The following CERS6 variants were observed in gnomAD, a reference collection of about 807,000 sequenced individuals.
CERS6 encodes ceramide synthase 6, also known as LAG1 homolog, ceramide synthase 6.
In CERS6, 26 loss-of-function variants were observed where a neutral mutation model predicts 56.8. That is an observed-to-expected ratio of 0.46 (90% confidence interval 0.34 to 0.63). The LOEUF (loss-of-function observed/expected upper bound fraction) is 0.63, where lower values mean the gene tolerates loss of function less well. Among genes scored for constraint, CERS6 ranks in the 30% least tolerant of loss-of-function variants. The pLI is 0.01. For synonymous variants in CERS6, 164 were observed against 173.3 expected (o/e 0.95, Z 0.42); for missense variants, 415 against 467.5 (o/e 0.89, Z 1.04).
At chr2:168,504,971 G>A (rs967750257) in intron 1 of CERS6, among the ~76,000 whole-genome samples, 13 of 152,124 alleles carry the variant, frequency 8.5e-5, no homozygotes, top group African/African-American at 3.1e-4. Flanking sequence ...AAAGCCAGGT[G>A]CTGAGTGGCA....
intron 1 of CERS6, among the ~76,000 whole-genome samples, chr2:168,491,785 C>G (rs1192505572): frequency 6.6e-6 from 1 of 151,206 alleles, no homozygotes; most frequent in Admixed American, 6.6e-5. Flanking sequence ...CCCCTCACCC[C>G]CCAACAGGCC....
intron 3 of CERS6, among the ~76,000 whole-genome samples, chr2:168,595,849 T>G (rs2105406567): frequency 6.6e-6 from 1 of 152,304 alleles, no homozygotes; most frequent in African/African-American, 2.4e-5. Flanking sequence ...ATTGTATGTT[T>G]TTTTTCTTTT....
chr2:168,616,438 A>G (rs1684319841), intron 3 of CERS6, among the ~76,000 whole-genome samples: 1 of 152,222 alleles, frequency 6.6e-6, no homozygotes, highest in Admixed American at 6.5e-5. Context: ...AAAGATACGG[A>G]ATGGCAGAAT....
intron 1 of CERS6, among the ~76,000 whole-genome samples, chr2:168,511,517 G>T (rs908844101): frequency 6.6e-6 from 1 of 152,124 alleles, no homozygotes; most frequent in Non-Finnish European, 1.5e-5. Flanking sequence ...AAATTTCCCA[G>T]TGTTGGACAA....
rs566446242 is a variant in CERS6 at position 168,721,751 on chromosome 2, TAGGACTAC to T, written c.845+3777_845+3784del. Among the ~76,000 whole-genome samples the T allele has an allele frequency of 2.3e-3, 345 of 151,986 alleles. 1 individual carries two copies. The highest frequency in any genetic ancestry group is 7.8e-3 in the African/African-American group (322 of 41,464). ...CTCCTGCCTCAGTTTCTTGAGTAGCTAGGACTACAGGTATGTGCCACAATACCCAGCTG... is the reference window on the plus strand; with the variant it reads ...CTCCTGCCTCAGTTTCTTGAGTAGCTAGGTATGTGCCACAATACCCAGCTG... On this transcript the variant is annotated intron_variant, in intron 8 of 9. Coordinates refer to ENST00000305747, the MANE Select transcript of CERS6 (RefSeq NM_203463.3).
At chr2:168,723,704 C>G (rs1306419334) in intron 8 of CERS6, among the ~76,000 whole-genome samples, 1 of 152,112 alleles carries the variant, frequency 6.6e-6, no homozygotes, top group African/African-American at 2.4e-5. Flanking sequence ...TATGAGTTTC[C>G]TCCAGGTACA....
At chr2:168,537,512 A>T (rs1695286593) in intron 1 of CERS6, among the ~76,000 whole-genome samples, 1 of 152,068 alleles carries the variant, frequency 6.6e-6, no homozygotes, top group South Asian at 2.1e-4. Context: ...CACATACTTT[A>T]TTTTACAGTT....
intron 1 of CERS6, among the ~76,000 whole-genome samples, chr2:168,460,284 T>C (rs1047263532): frequency 1.3e-5 from 2 of 151,856 alleles, no homozygotes; most frequent in Admixed American, 6.6e-5. Flanking sequence ...AACCTCCACC[T>C]CCTGGGCTCA....
In CERS6 at chr2:168,736,260, A is replaced by T. The variant is rs1411814259; in HGVS notation, c.845+18282A>T. On this transcript the variant is annotated intron_variant, in intron 8 of 9. Coordinates refer to ENST00000305747, the MANE Select transcript of CERS6 (RefSeq NM_203463.3). Reference sequence around the variant, plus strand: ...CTCAAGGTTTAAAGCACTGTATAGCACTGTGTCTATTTCATTTGAAAACGA... The same window carrying T: ...CTCAAGGTTTAAAGCACTGTATAGCTCTGTGTCTATTTCATTTGAAAACGA... Among the ~76,000 whole-genome samples, 11 of 152,330 alleles carry T rather than the reference A, an allele frequency of 7.2e-5. No homozygotes were observed. The East Asian group carries it at 2.1e-3, about 29-fold the overall frequency.
chr2:168,695,162 G>A (rs1332536241), intron 6 of CERS6, 111 bp downstream of exon 6: 2 of 758,940 alleles, frequency 2.6e-6, no homozygotes, highest in Non-Finnish European at 2.3e-6. Flanking sequence ...GCAGCCCTAG[G>A]TTAGTACGAC....
chr2:168,531,246 C>T (rs1206563929), intron 1 of CERS6, among the ~76,000 whole-genome samples: 1 of 152,084 alleles, frequency 6.6e-6, no homozygotes, highest in Non-Finnish European at 1.5e-5. Context: ...GAAGGAATGA[C>T]ACAGGAAGAA....
intron 8 of CERS6, among the ~76,000 whole-genome samples, chr2:168,718,821 T>C (rs886586184): frequency 6.6e-6 from 1 of 152,334 alleles, no homozygotes; most frequent in African/African-American, 2.4e-5. Context: ...TTCAGGTATA[T>C]AAAAGAGCTT....
intron 6 of CERS6, among the ~76,000 whole-genome samples, chr2:168,714,289 G>A (rs559922912): frequency 1.3e-5 from 2 of 152,178 alleles, no homozygotes; most frequent in Non-Finnish European, 2.9e-5. Flanking sequence ...CAAATATTTA[G>A]ACCATAGCAC....
intron 4 of CERS6, among the ~76,000 whole-genome samples, chr2:168,680,029 C>T (rs62174391): frequency 0.012 from 1,818 of 152,294 alleles, 27 homozygotes; most frequent in Non-Finnish European, 0.015. Flanking sequence ...TTACGAACTA[C>T]GGCATTTTCA....
chr2:168,457,353 C>T (rs1693690835), intron 1 of CERS6, among the ~76,000 whole-genome samples: 1 of 152,140 alleles, frequency 6.6e-6, no homozygotes, highest in Admixed American at 6.5e-5. Flanking sequence ...TTTTTTGGTA[C>T]TCGAAGGCAC....
chr2:168,517,473 T>C (rs912043830), intron 1 of CERS6, among the ~76,000 whole-genome samples: 6 of 151,218 alleles, frequency 4.0e-5, no homozygotes, highest in Admixed American at 1.3e-4. Flanking sequence ...GCCTGGGCGA[T>C]ACAGCAAGAC....
At position 168,585,123 on chromosome 2, in the gene CERS6, C is replaced by G. The variant is rs533236410; in HGVS notation, c.407+23801C>G. Among the ~76,000 whole-genome samples, 33 of 152,338 alleles carry G rather than the reference C, an allele frequency of 2.2e-4. No individual in the cohort carries two copies. The South Asian group carries it at 3.9e-3, about 18-fold the overall frequency. On this transcript the variant is annotated intron_variant, in intron 3 of 9. Transcript: ENST00000305747. The stretch of plus-strand genomic sequence containing the variant: ...ATGCAAATGGTTTGTGTTCCTTGAC[C>G]CATGTCAGGAAACACACAACTCACT...
chr2:168,710,665 T>A (rs752288431), intron 6 of CERS6, among the ~76,000 whole-genome samples: 2 of 152,224 alleles, frequency 1.3e-5, no homozygotes, highest in Non-Finnish European at 2.9e-5. Flanking sequence ...ATGTTATCAG[T>A]GCAATTTTTA....
chr2:168,618,200 C>G (rs1161160715), intron 3 of CERS6, among the ~76,000 whole-genome samples: 1 of 152,110 alleles, frequency 6.6e-6, no homozygotes, highest in Non-Finnish European at 1.5e-5. Context: ...GTTTAAAACC[C>G]TTAGCAAAAT....
Sources: gnomAD v4.1 joint callset for allele counts (sites outside exome capture counted in the v4.1 genomes callset) on GRCh38, gnomAD v4.1.1 for gene constraint, MANE v1.5 for transcripts, NCBI Gene and HGNC (gene_info 2026-07-23, HGNC 2026-07-21) for gene names.